SFI1: variants seen among roughly 807,000 people sequenced by gnomAD.
SFI1 encodes the protein protein SFI1 homolog.
Under a neutral mutation model 207.5 loss-of-function variants are expected in SFI1, and 195 were observed. That is an observed-to-expected ratio of 0.94 (90% CI 0.84 to 1.06). The LOEUF is 1.06. SFI1 is among the 50% of genes least tolerant of loss of function. SFI1 has a pLI of 0.00. For missense variants in SFI1, 1,634 were observed against 1,588.0 expected (o/e 1.03, Z -0.49); for synonymous variants, 630 against 598.9 (o/e 1.05, Z -0.76).
intron 16 of SFI1, 122 bp downstream of exon 16, chr22:31,602,415 G>A (rs1374968376): frequency 2.5e-6 from 3 of 1,177,170 alleles, no homozygotes; most frequent in East Asian, 2.3e-5. Flanking sequence ...GCCTGTGACT[G>A]TTGAGGCAGG....
chr22:31,593,252 AGGCAGAGGG>A (rs2066426603), intron 15 of SFI1, among the ~76,000 whole-genome samples: 1 of 144,020 alleles, frequency 6.9e-6, no homozygotes, highest in Non-Finnish European at 1.5e-5. Context: ...GGTGGTTGCC[AGGCAGAGGG>A]TCTCCTCACT....
Position 31,571,479 on chromosome 22 carries a change from A to ATT in SFI1, c.766-1565_766-1564dup, listed in dbSNP as rs976100643. Among the ~76,000 whole-genome samples the ATT allele has an allele frequency of 4.4e-3, 627 of 142,336 alleles. 4 individuals carry two copies. Among genetic ancestry groups the ATT allele is most frequent in the African/African-American group, 0.015 (570 of 38,834 alleles). The allele number at this position is 142,336 out of a possible 152,430, so 93.4% of individuals were successfully genotyped here. On this transcript the variant is annotated intron_variant, in intron 8 of 32. Transcript: ENST00000400288. ...AGGTACACACCACCATGCCTGGCTA[A>ATT]TTTTTTTTTTTTTTTGGTAGAGACA...
chr22:31,525,159 T>C (rs1438103342), intron 2 of SFI1, among the ~76,000 whole-genome samples: 2 of 152,164 alleles, frequency 1.3e-5, no homozygotes, highest in Non-Finnish European at 2.9e-5. Flanking sequence ...GCAGAAGTTT[T>C]TGAGATTATC....
At chr22:31,547,368 T>A (rs1327034908) in intron 5 of SFI1, among the ~76,000 whole-genome samples, 2 of 152,228 alleles carry the variant, frequency 1.3e-5, no homozygotes, top group African/African-American at 4.8e-5. Context: ...TGGAGTGCAG[T>A]GGCACGATCT....
chr22:31,515,526 G>A (rs1055903532), intron 2 of SFI1, among the ~76,000 whole-genome samples: 2 of 130,074 alleles, frequency 1.5e-5, no homozygotes, highest in Non-Finnish European at 3.2e-5. Flanking sequence ...CTACAAATAT[G>A]CATCACTGTG....
intron 2 of SFI1, among the ~76,000 whole-genome samples, chr22:31,510,856 GAAGGGTC>G (rs1215163494): frequency 6.6e-6 from 1 of 152,134 alleles, no homozygotes; most frequent in Non-Finnish European, 1.5e-5. Flanking sequence ...TTTAATTTAT[GAAGGGTC>G]AGTGGTAAAT....
At chr22:31,588,060 T>G (rs1315088094) in intron 14 of SFI1, 1 of 152,232 alleles carries the variant, frequency 6.6e-6, no homozygotes, top group Non-Finnish European at 1.5e-5. Flanking sequence ...CATTCTATTA[T>G]GCTTTATGGA....
In SFI1 at chr22:31,544,106, T is replaced by G. The variant is rs73160644; in HGVS notation, c.339-2755T>G. Among the ~76,000 whole-genome samples the G allele has an allele frequency of 1.6e-3, 240 of 152,110 alleles. 2 individuals carry two copies. The highest frequency in any genetic ancestry group is 1.9e-3 in the Non-Finnish European group (131 of 68,008). On this transcript the variant is annotated intron_variant, in intron 4 of 32. Transcript: ENST00000400288. ...CAAGAGACTGAGGCACGAGAATAAC[T>G]TGAATGCATGAGGTGGAGATTACAG...
intron 2 of SFI1, 61 bp from the exon 3 acceptor site, chr22:31,528,629 T>G (rs564320834): frequency 2.8e-5 from 41 of 1,465,954 alleles, no homozygotes; most frequent in African/African-American, 2.8e-4. Flanking sequence ...ATTAAAAGTA[T>G]TTGCATCACA....
chr22:31,555,326 A>G (rs1443410257), intron 6 of SFI1, among the ~76,000 whole-genome samples: 1 of 152,124 alleles, frequency 6.6e-6, no homozygotes, highest in Non-Finnish European at 1.5e-5. Context: ...CATCTCTACA[A>G]AAAAATACAA....
chr22:31,560,661 C>T (rs1478949648), intron 7 of SFI1, among the ~76,000 whole-genome samples: 1 of 150,386 alleles, frequency 6.6e-6, no homozygotes, highest in Non-Finnish European at 1.5e-5. Context: ...CCTCAGCCTC[C>T]CAAAGTGCTA....
intron 8 of SFI1, among the ~76,000 whole-genome samples, chr22:31,561,949 T>C (rs1396038803): frequency 4.6e-5 from 7 of 152,110 alleles, no homozygotes; most frequent in Non-Finnish European, 7.4e-5. Context: ...AAATAAGTTA[T>C]AGGAAATAGA....
rs374340777 is a variant in SFI1, at chr22:31,528,675, G to T, written c.93-15G>T. The T allele has an allele frequency of 1.2e-6, 2 of 1,609,040 alleles. No individual in the cohort carries two copies. Among genetic ancestry groups the T allele is most frequent in the East Asian group, 2.2e-5 (1 of 44,844 alleles). On this transcript the variant is annotated splice_polypyrimidine_tract_variant and intron_variant, in intron 2 of 32. Transcript: ENST00000400288. Reference sequence around the variant, plus strand: ...ACTTTATTCTCTCCTTGCCTCTTTCGTCCTCAAATTTAAGGTATTTTAAGG... The same window carrying T: ...ACTTTATTCTCTCCTTGCCTCTTTCTTCCTCAAATTTAAGGTATTTTAAGG...
At chr22:31,602,364 CCCT>C (rs768546572) in intron 16 of SFI1, 71 bp downstream of exon 16, 749 of 1,472,208 alleles carry the variant, frequency 5.1e-4, no homozygotes, top group Non-Finnish European at 6.7e-4. Flanking sequence ...TCACGGCCTC[CCCT>C]CCTCAGGAAG....
intron 2 of SFI1, among the ~76,000 whole-genome samples, chr22:31,527,638 G>A (rs1156696669): frequency 2.0e-5 from 3 of 152,078 alleles, no homozygotes; most frequent in South Asian, 2.1e-4. Flanking sequence ...GTGTACATAC[G>A]TGTGCTTTAC....
At chr22:31,609,399 G>C (rs1409085547) in intron 22 of SFI1, among the ~76,000 whole-genome samples, 2 of 152,180 alleles carry the variant, frequency 1.3e-5, no homozygotes, top group African/African-American at 4.8e-5. Flanking sequence ...CCCATGGGGA[G>C]CTGTCTCCTA....
rs987870787 is a variant in SFI1, at chr22:31,584,050, C to G, written c.1346+78C>G. ...ACTGTTTTCCAGGAGTAATTGCTTG[C>G]CCTTCTATGCGTTAGTGTGGCAGAT... On this transcript the variant is annotated intron_variant, in intron 13 of 32. Coordinates refer to ENST00000400288, the MANE Select transcript of SFI1 (RefSeq NM_001007467.3). 12 of 1,188,518 alleles carry G rather than the reference C, an allele frequency of 1.0e-5. No individual in the cohort carries two copies. The African/African-American group carries it at 1.6e-4, about 16-fold the overall frequency. The allele number at this position is 1,188,518 out of a possible 1,614,324, so 73.6% of individuals were successfully genotyped here.
chr22:31,597,934 A>G (rs2067386098), intron 15 of SFI1, among the ~76,000 whole-genome samples: 1 of 151,884 alleles, frequency 6.6e-6, no homozygotes, highest in South Asian at 2.1e-4. Flanking sequence ...AAATGTGTAT[A>G]CAGTGAAAGG....
chr22:31,585,366 A>C (rs1318987914), intron 14 of SFI1, among the ~76,000 whole-genome samples: 1 of 152,234 alleles, frequency 6.6e-6, no homozygotes, highest in South Asian at 2.1e-4. Flanking sequence ...CTCTGAAAGT[A>C]CTGAGCTCTT....
Sources: gnomAD v4.1 joint callset for allele counts (sites outside exome capture counted in the v4.1 genomes callset) on GRCh38, gnomAD v4.1.1 for gene constraint, MANE v1.5 for transcripts, NCBI Gene and HGNC (gene_info 2026-07-23, HGNC 2026-07-21) for gene names.